Variants in KCNN1 observed in about 807,000 individuals in gnomAD.
KCNN1 encodes the protein small conductance calcium-activated potassium channel protein 1.
KCNN1 carries 20 observed loss-of-function variants against 44.7 expected under a neutral mutation model. The ratio of observed to expected loss-of-function variants is 0.45; its 90% CI spans 0.32 to 0.65. The LOEUF (loss-of-function observed/expected upper bound fraction) is 0.65, where lower values mean the gene tolerates loss of function less well. Among genes scored for constraint, KCNN1 ranks in the 30% least tolerant of loss-of-function variants. The pLI, the probability that KCNN1 is intolerant of heterozygous loss-of-function variation, is 0.05. For missense variants in KCNN1, 632 were observed against 785.3 expected, an observed-to-expected ratio of 0.80 and a Z score of 2.33; for synonymous variants, 324 against 341.7, an observed-to-expected ratio of 0.95 and a Z score of 0.57.
intron 1 of KCNN1, 134 bp downstream of exon 1, chr19:17,967,451 G>C (rs1477475528): frequency 6.5e-5 from 17 of 261,886 alleles, no homozygotes; most frequent in Non-Finnish European, 8.3e-5. Flanking sequence ...GTGCGGTCCG[G>C]AGCCTAGGAG....
At chr19:17,965,484 G>A (rs750922337), upstream of KCNN1, among the ~76,000 whole-genome samples, 38 of 152,028 alleles carry the variant, frequency 2.5e-4, no homozygotes, top group Non-Finnish European at 5.3e-4. Context: ...GCTTTAGAAA[G>A]GGGGGCTCCT....
At chr19:17,981,657 G>A (rs2032412139) in intron 3 of KCNN1, 52 bp from the exon 4 acceptor site, 1 of 1,502,156 alleles carries the variant, frequency 6.7e-7, no homozygotes, top group Admixed American at 2.1e-5. Context: ...GCTGGGCAGG[G>A]AGCGCGGCGC....
intron 1 of KCNN1, among the ~76,000 whole-genome samples, chr19:17,970,214 G>C (rs1389276786): frequency 7.3e-6 from 1 of 137,526 alleles, no homozygotes; most frequent in Non-Finnish European, 1.6e-5. Flanking sequence ...CAGCCTGATT[G>C]ATGTGATGGG....
At chr19:17,957,507 G>A (rs2031575137) in intron 2 of KCNN1, among the ~76,000 whole-genome samples, 1 of 152,124 alleles carries the variant, frequency 6.6e-6, no homozygotes, top group Non-Finnish European at 1.5e-5. Flanking sequence ...GCTGAGACTT[G>A]AAGGAAGAGG....
At chr19:17,955,999 G>A (rs1171655286) in intron 2 of KCNN1, among the ~76,000 whole-genome samples, 1 of 151,900 alleles carries the variant, frequency 6.6e-6, no homozygotes, top group African/African-American at 2.4e-5. Context: ...GCATGATCTT[G>A]GCTCACTGCA....
chr19:17,972,400 A>C (rs11666940), intron 1 of KCNN1, among the ~76,000 whole-genome samples: 17,809 of 152,202 alleles, frequency 0.12, 1,121 homozygotes, highest in South Asian at 0.15. Flanking sequence ...CTCTGTAATC[A>C]CACAGGGTGC....
chr19:17,971,900 T>G (rs1335791981), intron 1 of KCNN1: 2 of 151,960 alleles, frequency 1.3e-5, no homozygotes, highest in African/African-American at 4.8e-5. Flanking sequence ...CCGGGCACAG[T>G]GGCTCATGCC....
rs1305893088 is a variant in KCNN1, at chr19:17,982,139, G to A, written c.917+12G>A. 4 of 1,498,102 alleles carry A rather than the reference G, an allele frequency of 2.7e-6. No homozygotes were observed. Among genetic ancestry groups the A allele is most frequent in the East Asian group, 2.4e-5 (1 of 41,064 alleles). 92.8% of individuals were successfully genotyped at this position (1,498,102 alleles called of 1,614,324 possible). ...CGCGTCTGCGAGAGGTGCGACCGCC[G>A]CCCCTGGAGCCCCCCCAGCCCCCAG... is the stretch of plus-strand genomic sequence containing the variant. On this transcript the variant is annotated intron_variant, in intron 4 of 9. Transcript: ENST00000684775.
rs1202530691 is a variant in KCNN1, at chr19:17,972,462, G to A, written c.-81-1346G>A. On this transcript the variant is annotated intron_variant, in intron 1 of 9. Coordinates refer to ENST00000684775, the MANE Select transcript of KCNN1 (RefSeq NM_001386974.1). ...GGCTAGCCTGAGATCATAGAGCCCAGCCAAGCATGTCTTATGTCTTACAAA... is the reference window on the plus strand; with the variant it reads ...GGCTAGCCTGAGATCATAGAGCCCAACCAAGCATGTCTTATGTCTTACAAA... Among the ~76,000 whole-genome samples, 5 of 152,220 alleles carry A rather than the reference G, an allele frequency of 3.3e-5. No homozygotes were observed. The East Asian group carries it at 9.6e-4, about 29-fold the overall frequency.
chr19:17,953,017 C>T (rs2031454563), intron 1 of KCNN1, among the ~76,000 whole-genome samples: 1 of 152,188 alleles, frequency 6.6e-6, no homozygotes, highest in Non-Finnish European at 1.5e-5. Flanking sequence ...CCGTTTAACC[C>T]TGAGCGTGGG....
At chr19:17,963,690 C>G (rs1032069422), upstream of KCNN1, among the ~76,000 whole-genome samples, 3 of 151,586 alleles carry the variant, frequency 2.0e-5, no homozygotes, top group Non-Finnish European at 2.9e-5. Flanking sequence ...TTAGTTCTTT[C>G]AACTTTTTTG....
At chr19:17,972,828 G>A (rs1039146099) in intron 1 of KCNN1, among the ~76,000 whole-genome samples, 3 of 152,220 alleles carry the variant, frequency 2.0e-5, no homozygotes, top group African/African-American at 7.2e-5. Flanking sequence ...AGGCAAGCCC[G>A]TTGGTAGATT....
At chr19:17,967,966 G>C (rs936041922) in intron 1 of KCNN1, among the ~76,000 whole-genome samples, 2 of 151,856 alleles carry the variant, frequency 1.3e-5, no homozygotes, top group South Asian at 4.2e-4. Flanking sequence ...GGGATCGGGC[G>C]GGTAGCCAGC....
At chr19:17,984,130 T>G (rs1237763731) in intron 4 of KCNN1, among the ~76,000 whole-genome samples, 3 of 148,812 alleles carry the variant, frequency 2.0e-5, no homozygotes, top group Admixed American at 1.4e-4. Flanking sequence ...GCCACTACAC[T>G]CCAGCCTGGG....
intron 2 of KCNN1, among the ~76,000 whole-genome samples, chr19:17,957,351 A>G (rs1410714288): frequency 6.6e-6 from 1 of 151,304 alleles, no homozygotes; most frequent in Non-Finnish European, 1.5e-5. Context: ...GGAAGAAAAG[A>G]AAGAAGAAAG....
intron 1 of KCNN1, among the ~76,000 whole-genome samples, chr19:17,973,508 T>C (rs1335667375): frequency 6.6e-6 from 1 of 152,224 alleles, no homozygotes; most frequent in African/African-American, 2.4e-5. Context: ...TTCGAACTCC[T>C]GAACTCAAGC....
At chr19:17,955,579 AG>A (rs1285839375) in intron 2 of KCNN1, among the ~76,000 whole-genome samples, 6 of 148,392 alleles carry the variant, frequency 4.0e-5, no homozygotes, top group South Asian at 2.1e-4. Flanking sequence ...AAAAAAAAAA[AG>A]AAAGAAAGAA....
At position 17,982,042 on chromosome 19, in the gene KCNN1, A is replaced by G. The variant is rs765522430; in HGVS notation, c.832A>G (p.Met278Val). 1 of 1,609,880 alleles carries G rather than the reference A, an allele frequency of 6.2e-7. No individual in the cohort carries two copies. The highest frequency in any genetic ancestry group is 8.5e-7 in the Non-Finnish European group (1 of 1,178,388). Residue 278 changes from methionine to valine, a missense_variant, in exon 4 of 10, where the codon ATG becomes GTG. Met to Val is a conservative substitution (Grantham distance 21). Transcript: ENST00000684775. Reference protein sequence around the residue: ...FNTRFVMKTLMTICPGTVLLV... With the variant: ...FNTRFVMKTLVTICPGTVLLV... ...CACGCGCTTCGTCATGAAGACACTC[A>G]TGACCATCTGCCCCGGCACCGTGCT... is the stretch of plus-strand genomic sequence containing the variant.
At position 17,985,556 on chromosome 19, in the gene KCNN1, G is replaced by A. The variant is rs576999015; in HGVS notation, c.1059+103G>A. 6.8e-4 allele frequency: 727 copies of A among 1,074,032 alleles called. 3 individuals are homozygous for A. Among genetic ancestry groups the A allele is most frequent in the Non-Finnish European group, 1.7e-4 (129 of 772,150 alleles). 66.5% of individuals were successfully genotyped at this position (1,074,032 alleles called of 1,614,324 possible). A position where few individuals can be genotyped will look rare whatever the true frequency, so the allele number is the denominator to read the frequency against. ...GCTGACAGGGTGCTCATCCCATCAC[G>A]AGCTGTGCCTGATCAGCGTCCCTCC... On this transcript the variant is annotated intron_variant, in intron 5 of 9. Coordinates refer to ENST00000684775, the MANE Select transcript of KCNN1 (RefSeq NM_001386974.1).
Sources: allele counts gnomAD v4.1 joint callset (sites outside exome capture counted in the v4.1 genomes callset), GRCh38; gene constraint gnomAD v4.1.1; transcripts MANE v1.5; gene names NCBI Gene and HGNC (gene_info 2026-07-23, HGNC 2026-07-21).